AMD1: variants seen among roughly 807,000 people sequenced by gnomAD.
The protein encoded by AMD1 is adenosylmethionine decarboxylase 1, also known as S-adenosylmethionine decarboxylase proenzyme.
Under a neutral mutation model 40.2 loss-of-function variants are expected in AMD1, and 11 were observed. The observed-to-expected ratio is 0.27, with a 90% confidence interval of 0.17 to 0.45. The LOEUF is 0.45. AMD1 is among the 20% of genes least tolerant of loss of function. The pLI, the probability that AMD1 is intolerant of heterozygous loss-of-function variation, is 1.00. For synonymous variants in AMD1, 121 were observed against 130.8 expected (o/e 0.93, Z 0.51); for missense variants, 257 against 410.2 (o/e 0.63, Z 3.23).
chr6:110,858,510 T>A, the AMD1 span: 2 of 1,570,380 alleles, frequency 1.3e-6, no homozygotes, highest in Non-Finnish European at 1.8e-6. Flanking sequence ...CTCTCCAATT[T>A]CATCAAGGCC....
chr6:110,858,784 C>G, the AMD1 span: 1 of 765,348 alleles, frequency 1.3e-6, no homozygotes, highest in Non-Finnish European at 2.4e-6. Context: ...CGGGCATGAC[C>G]GCGTACAGCA....
At chr6:110,863,033 C>T in the AMD1 span, among the ~76,000 whole-genome samples, 1 of 152,038 alleles carries the variant, frequency 6.6e-6, no homozygotes, top group Non-Finnish European at 1.5e-5. Flanking sequence ...CAAGCTCTGC[C>T]TCCCGTGTTC....
the AMD1 span, among the ~76,000 whole-genome samples, chr6:110,859,908 C>T: frequency 7.9e-5 from 12 of 152,242 alleles, no homozygotes; most frequent in East Asian, 2.3e-3. Flanking sequence ...TGGCTCACTG[C>T]ACCTCCACCT....
At chr6:110,854,785 C>T in the AMD1 span, among the ~76,000 whole-genome samples, 5 of 151,972 alleles carry the variant, frequency 3.3e-5, no homozygotes, top group Middle Eastern at 0.01. Flanking sequence ...GAAAAAAATT[C>T]GTTAATTGAG....
chr6:110,861,599 T>TG, the AMD1 span, among the ~76,000 whole-genome samples: 4 of 151,952 alleles, frequency 2.6e-5, no homozygotes, highest in African/African-American at 9.7e-5. Flanking sequence ...CCCAGCACTT[T>TG]GGGGGGCCAA....
At chr6:110,865,591 C>T in the AMD1 span, among the ~76,000 whole-genome samples, 1 of 151,954 alleles carries the variant, frequency 6.6e-6, no homozygotes, top group African/African-American at 2.4e-5. Context: ...CACAGGGTTT[C>T]ACCATGTTGG....
chr6:110,817,275 A>G, the AMD1 span, among the ~76,000 whole-genome samples: 5 of 152,124 alleles, frequency 3.3e-5, no homozygotes, highest in South Asian at 8.3e-4. Flanking sequence ...GATTTACCTT[A>G]TTTGCTACAT....
At chr6:110,872,261 G>A (rs981916401), upstream of AMD1, among the ~76,000 whole-genome samples, 5 of 152,178 alleles carry the variant, frequency 3.3e-5, no homozygotes, top group Admixed American at 1.3e-4. Context: ...GCTGTTAAGG[G>A]AAGCAGAGAA....
rs528770369 is a variant in AMD1, at chr6:110,887,771, C to T, written c.197+180C>T. Among the ~76,000 whole-genome samples, 7 of 152,044 alleles carry T rather than the reference C, an allele frequency of 4.6e-5. No homozygotes were observed. The South Asian group carries it at 8.3e-4, about 18-fold the overall frequency. The stretch of plus-strand genomic sequence containing the variant: ...CGCCATGTCAGCTCACTGCAACCTC[C>T]GCCTCCTTGGTTCAAGCAATTCTCC... On this transcript the variant is annotated intron_variant, in intron 2 of 8. Coordinates refer to ENST00000368885, the MANE Select transcript of AMD1 (RefSeq NM_001634.6).
At chr6:110,866,445 A>G in the AMD1 span, among the ~76,000 whole-genome samples, 1 of 152,200 alleles carries the variant, frequency 6.6e-6, no homozygotes, top group East Asian at 1.9e-4. Flanking sequence ...CACAACGAGC[A>G]CAAGAGGAAA....
At position 110,892,730 on chromosome 6, in the gene AMD1, C is replaced by CG. The variant is rs769575269; in HGVS notation, c.616-5_616-4insG. 1.1e-4 allele frequency: 173 copies of CG among 1,612,024 alleles called. 3 individuals are homozygous for CG. The highest frequency in any genetic ancestry group is 7.7e-4 in the South Asian group (70 of 91,008). ...TTGTTAAACTCGGTCTTTTTCCCCC[C>CG]CCAGGAGAGTGGAATTCGTGACCTG... On this transcript the variant is annotated splice_region_variant and splice_polypyrimidine_tract_variant and intron_variant, in intron 6 of 8. Transcript: ENST00000368885.
At chr6:110,874,739 TG>T (rs765897162), upstream of AMD1, 50 of 166,362 alleles carry the variant, frequency 3.0e-4, no homozygotes, top group East Asian at 1.2e-3. Context: ...CCTGGTCTTT[TG>T]GGGGGAGCCG....
chr6:110,888,767 C>T (rs1231064503), intron 2 of AMD1, 90 bp from the exon 3 acceptor site: 1 of 1,360,772 alleles, frequency 7.3e-7, no homozygotes, highest in African/African-American at 1.5e-5. Flanking sequence ...AAAGTACTAG[C>T]CAAAATTGTA....
chr6:110,816,136 A>G, the AMD1 span, among the ~76,000 whole-genome samples: 6 of 152,200 alleles, frequency 3.9e-5, no homozygotes, highest in Non-Finnish European at 7.3e-5. Flanking sequence ...AGAACATGCA[A>G]CTTCTGAGCC....
intron 4 of AMD1, chr6:110,891,506 CAGGGA>C (rs1157192775): frequency 1.3e-5 from 2 of 152,528 alleles, no homozygotes; most frequent in African/African-American, 2.4e-5. Context: ...TTATAGAGGT[CAGGGA>C]ACAAAGGTTA....
the AMD1 span, among the ~76,000 whole-genome samples, chr6:110,836,104 G>T: frequency 6.6e-6 from 1 of 151,472 alleles, no homozygotes; most frequent in African/African-American, 2.4e-5. Context: ...TTCTCAAAGG[G>T]AAGATAAACC....
chr6:110,883,828 A>G (rs997666859), intron 1 of AMD1, among the ~76,000 whole-genome samples: 1 of 151,672 alleles, frequency 6.6e-6, no homozygotes, highest in Non-Finnish European at 1.5e-5. Flanking sequence ...TGATCTCCTG[A>G]CCTTGTGATC....
At chr6:110,874,668 C>T (rs541484044), upstream of AMD1, 642 of 154,986 alleles carry the variant, frequency 4.1e-3, 3 homozygotes, top group Middle Eastern at 6.8e-3. Context: ...CGCCACTCGG[C>T]CGCGAGTGAT....
the AMD1 span, among the ~76,000 whole-genome samples, chr6:110,818,490 A>T: frequency 6.6e-6 from 1 of 152,108 alleles, no homozygotes; most frequent in Non-Finnish European, 1.5e-5. Context: ...TACATAGCTC[A>T]AGGGGAAAGT....
Sources: gnomAD v4.1 joint callset for allele counts (sites outside exome capture counted in the v4.1 genomes callset) on GRCh38, gnomAD v4.1.1 for gene constraint, MANE v1.5 for transcripts, NCBI Gene and HGNC (gene_info 2026-07-23, HGNC 2026-07-21) for gene names.